Variants in ATP8A2 observed in about 807,000 individuals in gnomAD.
ATP8A2 encodes the protein phospholipid-transporting ATPase IB.
A neutral mutation model predicts 165.6 loss-of-function variants in ATP8A2; 100 were observed. The observed-to-expected ratio is 0.60, with a 90% CI of 0.51 to 0.71. ATP8A2 has a LOEUF of 0.71. ATP8A2 is among the 30% of genes least tolerant of loss of function. ATP8A2 has a pLI of 0.00. For missense variants in ATP8A2, 1,227 were observed against 1,479.5 expected (o/e 0.83, Z 2.80); for synonymous variants, 543 against 548.8 (o/e 0.99, Z 0.15).
intron 35 of ATP8A2, among the ~76,000 whole-genome samples, chr13:25,990,796 T>C (rs966689929): frequency 3.3e-5 from 5 of 152,240 alleles, no homozygotes; most frequent in African/African-American, 9.6e-5. Flanking sequence ...TATTTGTAAA[T>C]GCACAGAGCC....
intron 10 of ATP8A2, among the ~76,000 whole-genome samples, chr13:25,543,873 T>C (rs938380876): frequency 1.3e-5 from 2 of 152,240 alleles, no homozygotes; most frequent in African/African-American, 4.8e-5. Context: ...CCTGTTAATG[T>C]TTTTTAAAAA....
intron 1 of ATP8A2, among the ~76,000 whole-genome samples, chr13:25,403,215 A>G (rs1312120654): frequency 6.6e-6 from 1 of 152,178 alleles, no homozygotes; most frequent in East Asian, 1.9e-4. Context: ...CCATCTTGGA[A>G]GCAGAGAGCA....
chr13:25,957,705 G>A (rs574793435), intron 33 of ATP8A2, among the ~76,000 whole-genome samples: 2 of 152,272 alleles, frequency 1.3e-5, no homozygotes, highest in South Asian at 2.1e-4. Context: ...AAGACAGTGT[G>A]GTGATTCCTC....
Position 25,862,396 on chromosome 13 carries a change from T to C in ATP8A2, c.3171T>C (p.Asp1057=), listed in dbSNP as rs748911779. ...TIWPTIPIAP[D]MRGQATMVLS... ...GGCCCACCATTCCCATTGCTCCAGA[T>C]ATGAGAGGACAGGTAAGTACTCCTG... Residue 1057 remains aspartate, a synonymous_variant, in exon 33 of 37, where the codon GAT becomes GAC. Transcript: ENST00000381655. 6.2e-7 allele frequency: 1 copy of C among 1,613,288 alleles called. No homozygotes were observed. The highest frequency in any genetic ancestry group is 8.5e-7 in the Non-Finnish European group (1 of 1,179,304).
At chr13:25,393,981 T>G (rs1489710379) in intron 1 of ATP8A2, among the ~76,000 whole-genome samples, 1 of 152,214 alleles carries the variant, frequency 6.6e-6, no homozygotes, top group Non-Finnish European at 1.5e-5. Flanking sequence ...AAAACAGGAA[T>G]ATTATCTTAG....
Position 25,892,478 on chromosome 13 carries a change from G to GTCTCTCTCTC in ATP8A2, c.3183+30087_3183+30096dup, listed in dbSNP as rs144283908. ...CATTTCTCTCTCTCTCTGTCTCTCT[G>GTCTCTCTCTC]TCTCTCTCTCTCTCTCTCTCTCTCT... On this transcript the variant is annotated intron_variant, in intron 33 of 36. Transcript: ENST00000381655. 4.5e-3 allele frequency among the ~76,000 whole-genome samples: 608 copies of GTCTCTCTCTC among 136,228 alleles called. 17 individuals carry two copies. Among genetic ancestry groups the GTCTCTCTCTC allele is most frequent in the African/African-American group, 0.015 (505 of 33,848 alleles). The allele number at this position is 136,228 out of a possible 152,430, so 89.4% of individuals were successfully genotyped here.
At chr13:25,665,028 C>T (rs2042122916) in intron 24 of ATP8A2, among the ~76,000 whole-genome samples, 1 of 151,264 alleles carries the variant, frequency 6.6e-6, no homozygotes, top group Admixed American at 6.6e-5. Flanking sequence ...AGACCAGGAG[C>T]AGTGTGGCTG....
intron 15 of ATP8A2, among the ~76,000 whole-genome samples, chr13:25,561,366 T>C (rs1416292271): frequency 6.6e-6 from 1 of 152,190 alleles, no homozygotes; most frequent in East Asian, 1.9e-4. Context: ...TCATTTTCCA[T>C]AGATTTTTTT....
Position 25,379,748 on chromosome 13 carries a change from G to A in ATP8A2, c.76+7460G>A, listed in dbSNP as rs1030239096. On this transcript the variant is annotated intron_variant, in intron 1 of 36. Transcript: ENST00000381655. ...GGCCCTGCTAAGCGTGTAAGATAGT[G>A]TGCCGTTTCTGCTACGTCCCCTGCC... is the stretch of plus-strand genomic sequence containing the variant. 3.9e-5 allele frequency among the ~76,000 whole-genome samples: 6 copies of A among 152,296 alleles called. No homozygotes were observed. The East Asian group carries it at 1.2e-3, about 29-fold the overall frequency.
chr13:25,911,990 A>T (rs950760455), intron 33 of ATP8A2, among the ~76,000 whole-genome samples: 1 of 152,248 alleles, frequency 6.6e-6, no homozygotes, highest in East Asian at 1.9e-4. Flanking sequence ...TAGAATTGTC[A>T]TATGATCCAA....
At chr13:25,810,905 T>A (rs1284945194) in intron 27 of ATP8A2, among the ~76,000 whole-genome samples, 1 of 152,198 alleles carries the variant, frequency 6.6e-6, no homozygotes, top group Non-Finnish European at 1.5e-5. Flanking sequence ...CCAGTTTTTT[T>A]TGGAAAATAA....
In ATP8A2 at chr13:25,585,003, G is replaced by A. The variant is rs549419961; in HGVS notation, c.2146+3046G>A. 1.4e-4 allele frequency among the ~76,000 whole-genome samples: 22 copies of A among 151,996 alleles called. No individual in the cohort carries two copies. In the South Asian group the frequency reaches 2.5e-3, roughly 17 times the overall value. On this transcript the variant is annotated intron_variant, in intron 23 of 36. Transcript: ENST00000381655. Reference sequence around the variant, plus strand: ...TTTTTAAAATATATATATCTATCTCGTAGTTTGAGAATTTATTTTTAAAGT... The same window carrying A: ...TTTTTAAAATATATATATCTATCTCATAGTTTGAGAATTTATTTTTAAAGT...
chr13:25,762,296 A>AAAAAAAAAAT (rs2044397987), intron 25 of ATP8A2, among the ~76,000 whole-genome samples: 2 of 149,088 alleles, frequency 1.3e-5, no homozygotes, highest in Non-Finnish European at 1.5e-5. Flanking sequence ...AAAAAAAAAA[A>AAAAAAAAAAT]GCTGTCCCAG....
chr13:25,674,095 T>G (rs975186393), intron 24 of ATP8A2, among the ~76,000 whole-genome samples: 4 of 152,156 alleles, frequency 2.6e-5, no homozygotes, highest in Admixed American at 1.3e-4. Context: ...TAGGAAATAT[T>G]GTGGTGTTAG....
intron 24 of ATP8A2, among the ~76,000 whole-genome samples, chr13:25,675,956 TACTC>T (rs2042363886): frequency 6.6e-6 from 1 of 152,160 alleles, no homozygotes; most frequent in Non-Finnish European, 1.5e-5. Context: ...AAATGAAAAA[TACTC>T]AAGGTATTGG....
chr13:25,648,315 G>A (rs916827532), intron 24 of ATP8A2, among the ~76,000 whole-genome samples: 2 of 152,078 alleles, frequency 1.3e-5, no homozygotes, highest in Non-Finnish European at 2.9e-5. Flanking sequence ...ATTGGTTCCA[G>A]GACCCTCCTC....
At chr13:25,556,462 T>A (rs536325085) in intron 13 of ATP8A2, among the ~76,000 whole-genome samples, 4 of 152,300 alleles carry the variant, frequency 2.6e-5, no homozygotes, top group African/African-American at 9.6e-5. Context: ...AATGGGGTTG[T>A]TTGGTTTTTG....
intron 25 of ATP8A2, among the ~76,000 whole-genome samples, chr13:25,740,945 T>A (rs781528993): frequency 1.3e-5 from 2 of 152,200 alleles, no homozygotes; most frequent in Non-Finnish European, 2.9e-5. Context: ...TGGAAGCCAA[T>A]CATTTAAACA....
At chr13:25,536,214 C>T (rs928565455) in intron 6 of ATP8A2, among the ~76,000 whole-genome samples, 7 of 152,066 alleles carry the variant, frequency 4.6e-5, no homozygotes, top group East Asian at 3.9e-4. Context: ...TGGGTTCAAG[C>T]GATTCTCCTG....
Sources: allele counts gnomAD v4.1 joint callset (sites outside exome capture counted in the v4.1 genomes callset), GRCh38; gene constraint gnomAD v4.1.1; transcripts MANE v1.5; gene names NCBI Gene and HGNC (gene_info 2026-07-23, HGNC 2026-07-21).